Variants in MRTFB observed in about 807,000 individuals in gnomAD.
The protein encoded by MRTFB is myocardin related transcription factor B.
MRTFB carries 29 observed loss-of-function variants against 104.2 expected under a neutral mutation model. That is an observed-to-expected ratio of 0.28 (90% CI 0.21 to 0.38). MRTFB has a LOEUF of 0.38. Ranked by LOEUF, MRTFB falls within the 10% of genes least tolerant of loss-of-function variation. The probability of loss-of-function intolerance (pLI) is 1.00; values close to 1 mark genes in which losing one functional copy is unlikely to be tolerated. For synonymous variants in MRTFB, 535 were observed against 519.5 expected (o/e 1.03, Z -0.41); for missense variants, 1,270 against 1,341.6 (o/e 0.95, Z 0.83).
intron 10 of MRTFB, among the ~76,000 whole-genome samples, chr16:14,243,864 G>GTTTGTTTGTTTTTTTTTTTTT (rs750881308): frequency 8.0e-6 from 1 of 124,676 alleles, no homozygotes; most frequent in African/African-American, 3.8e-5. Context: ...CCTGTTTTGG[G>GTTTGTTTGTTTTTTTTTTTTT]TTTTTTTTTT....
At position 14,260,943 on chromosome 16, in the gene MRTFB, T is replaced by G. The variant is rs1308938976; in HGVS notation, c.2799T>G (p.Pro933=). The G allele has an allele frequency of 1.2e-6, 2 of 1,612,008 alleles. No homozygotes were observed. Among genetic ancestry groups the G allele is most frequent in the Non-Finnish European group, 1.7e-6 (2 of 1,178,580 alleles). Reference sequence around the variant, plus strand: ...TCCCCATAAAAGAAGAACCTTCTCCTATTTCCAAAATGAGACCAGTGACAG... The same window carrying G: ...TCCCCATAAAAGAAGAACCTTCTCCGATTTCCAAAATGAGACCAGTGACAG... ...ISLPIKEEPS[P]ISKMRPVTAS... is the part of the protein sequence containing the mutation. The change falls in exon 17 of 17, where the codon CCT becomes CCG. Residue 933 remains proline, a synonymous_variant. Coordinates refer to ENST00000571589, the MANE Select transcript of MRTFB (RefSeq NM_001308142.2).
At chr16:14,055,265 C>G in the MRTFB span, among the ~76,000 whole-genome samples, 1 of 152,204 alleles carries the variant, frequency 6.6e-6, no homozygotes, top group Non-Finnish European at 1.5e-5. Flanking sequence ...GCAGGAGAAT[C>G]ACTTGAACCC....
chr16:14,126,851 C>T (rs978063312), intron 2 of MRTFB, among the ~76,000 whole-genome samples: 9 of 152,170 alleles, frequency 5.9e-5, no homozygotes, highest in Non-Finnish European at 5.9e-5. Flanking sequence ...TCTAATTTGA[C>T]GAGATCTCTC....
chr16:14,111,050 G>T (rs934898216), intron 2 of MRTFB, among the ~76,000 whole-genome samples: 1 of 152,010 alleles, frequency 6.6e-6, no homozygotes, highest in African/African-American at 2.4e-5. Flanking sequence ...TAACAATACC[G>T]ATTTTTTGCT....
At chr16:14,174,261 A>G (rs760079786) in intron 3 of MRTFB, among the ~76,000 whole-genome samples, 16 of 152,142 alleles carry the variant, frequency 1.1e-4, no homozygotes, top group Non-Finnish European at 2.2e-4. Flanking sequence ...AAAGCCTCCT[A>G]TTAATTGTGT....
intron 2 of MRTFB, among the ~76,000 whole-genome samples, chr16:14,138,166 T>C (rs536338922): frequency 1.8e-4 from 28 of 152,192 alleles, no homozygotes; most frequent in Non-Finnish European, 3.4e-4. Flanking sequence ...TTTTATGCTA[T>C]AGTTGTCATG....
chr16:14,252,478 C>T lies in MRTFB; in HGVS notation c.2679C>T (p.Arg893=), dbSNP rs768387830. ...PRYEEAIKQT[R]STQAPLPEIS... is the part of the protein sequence containing the mutation. Reference sequence around the variant, plus strand: ...ATGAGGAGGCCATCAAGCAGACACGCAGCACACAGGCCCCTCTGCCAGAGG... The same window carrying T: ...ATGAGGAGGCCATCAAGCAGACACGTAGCACACAGGCCCCTCTGCCAGAGG... The change falls in exon 15 of 17, where the codon CGC becomes CGT. Residue 893 remains arginine (R), a synonymous_variant. Coordinates refer to ENST00000571589, the MANE Select transcript of MRTFB (RefSeq NM_001308142.2). The T allele has an allele frequency of 5.0e-6, 8 of 1,614,024 alleles. No homozygotes were observed. Among genetic ancestry groups the T allele is most frequent in the South Asian group, 1.1e-5 (1 of 91,070 alleles).
chr16:14,056,778 GTCTA>G, the MRTFB span, among the ~76,000 whole-genome samples: 6,487 of 152,112 alleles, frequency 0.043, 171 homozygotes, highest in Middle Eastern at 0.062. Flanking sequence ...GTATCTATCT[GTCTA>G]TCTATCTATC....
chr16:14,104,141 G>A (rs1172693964), intron 2 of MRTFB, among the ~76,000 whole-genome samples: 4 of 152,208 alleles, frequency 2.6e-5, no homozygotes, highest in African/African-American at 9.7e-5. Flanking sequence ...ATTTTGACAT[G>A]TTATAGAGTG....
chr16:14,004,155 C>T, the MRTFB span, among the ~76,000 whole-genome samples: 1 of 152,134 alleles, frequency 6.6e-6, no homozygotes, highest in Non-Finnish European at 1.5e-5. Flanking sequence ...TGGTGGCAGC[C>T]CCGGACCTTG....
the MRTFB span, among the ~76,000 whole-genome samples, chr16:14,035,905 G>A: frequency 6.6e-6 from 1 of 151,202 alleles, no homozygotes; most frequent in African/African-American, 2.4e-5. Context: ...GAGTCCCCAA[G>A]GCCCACTGTG....
At chr16:14,124,230 T>A (rs1289278826) in intron 2 of MRTFB, among the ~76,000 whole-genome samples, 2 of 152,226 alleles carry the variant, frequency 1.3e-5, no homozygotes, top group Admixed American at 1.3e-4. Flanking sequence ...TTTGACTTCC[T>A]CTTTTCCTAT....
intron 3 of MRTFB, chr16:14,141,507 A>G (rs930137358): frequency 6.6e-6 from 1 of 152,190 alleles, no homozygotes; most frequent in Non-Finnish European, 1.5e-5. Context: ...TGGAATTACT[A>G]TACCTTCCAC....
Position 14,094,986 on chromosome 16 carries a change from C to T in MRTFB, c.-64+15632C>T, listed in dbSNP as rs79771105. Among the ~76,000 whole-genome samples the T allele has an allele frequency of 9.6e-3, 1,465 of 152,284 alleles. 24 individuals are homozygous for T. The highest frequency in any genetic ancestry group is 0.034 in the African/African-American group (1,395 of 41,550). Reference sequence around the variant, plus strand: ...GAATTATTTTAAATATATAAAGCCACTTTAAACATCACCAGGAATAATAAT... The same window carrying T: ...GAATTATTTTAAATATATAAAGCCATTTTAAACATCACCAGGAATAATAAT... On this transcript the variant is annotated intron_variant, in intron 2 of 16. Transcript: ENST00000571589.
At chr16:14,153,694 T>C (rs1350645710) in intron 3 of MRTFB, among the ~76,000 whole-genome samples, 1 of 152,208 alleles carries the variant, frequency 6.6e-6, no homozygotes. Context: ...GGTCCAGTGG[T>C]GTTATTACAC....
intron 15 of MRTFB, among the ~76,000 whole-genome samples, chr16:14,254,893 C>A (rs1377015337): frequency 1.3e-5 from 2 of 152,162 alleles, no homozygotes; most frequent in African/African-American, 4.8e-5. Context: ...TTCAAAGCAA[C>A]TACTATTACA....
At chr16:14,099,594 C>T (rs1210556039) in intron 2 of MRTFB, among the ~76,000 whole-genome samples, 1 of 151,422 alleles carries the variant, frequency 6.6e-6, no homozygotes, top group Non-Finnish European at 1.5e-5. Context: ...AGTGATCTAT[C>T]TACCTCGGCC....
intron 2 of MRTFB, among the ~76,000 whole-genome samples, chr16:14,136,342 C>CT (rs1286147249): frequency 6.6e-6 from 1 of 152,122 alleles, no homozygotes; most frequent in Non-Finnish European, 1.5e-5. Flanking sequence ...TGTTCTACTA[C>CT]TTTTCACATG....
At chr16:14,017,993 G>A in the MRTFB span, among the ~76,000 whole-genome samples, 83,047 of 151,388 alleles carry the variant, frequency 0.55, 23,153 homozygotes, top group Middle Eastern at 0.7. Flanking sequence ...AAGTGCTGGG[G>A]TTACAGGCAT....
Sources: gnomAD v4.1 joint callset for allele counts (sites outside exome capture counted in the v4.1 genomes callset) on GRCh38, gnomAD v4.1.1 for gene constraint, MANE v1.5 for transcripts, NCBI Gene and HGNC (gene_info 2026-07-23, HGNC 2026-07-21) for gene names.